Variants in FYB2 observed in about 807,000 individuals in gnomAD.
FYB2 encodes the protein FYN-binding protein 2.
In FYB2, 103 loss-of-function variants were observed where a neutral mutation model predicts 94.1. The ratio of observed to expected loss-of-function variants is 1.09; its 90% CI spans 0.93 to 1.29. The LOEUF is 1.29. Among genes scored for constraint, FYB2 ranks in the 50% most tolerant of loss-of-function variants. FYB2 has a pLI of 0.00. For synonymous variants in FYB2, 293 were observed against 287.9 expected (o/e 1.02, Z -0.18); for missense variants, 896 against 841.5 (o/e 1.06, Z -0.80).
chr1:56,808,414 A>G (rs2101064408), intron 1 of FYB2, among the ~76,000 whole-genome samples: 1 of 152,354 alleles, frequency 6.6e-6, no homozygotes, highest in East Asian at 1.9e-4. Context: ...GATGCTTGAC[A>G]GCCTTTCTGC....
At chr1:56,765,595 T>G (rs190590260) in intron 5 of FYB2, among the ~76,000 whole-genome samples, 140 of 152,328 alleles carry the variant, frequency 9.2e-4, no homozygotes, top group Middle Eastern at 3.4e-3. Flanking sequence ...TTTTCTGTCT[T>G]TCTAGGTTGC....
At chr1:56,781,174 T>C (rs1012068331) in intron 4 of FYB2, among the ~76,000 whole-genome samples, 1 of 152,226 alleles carries the variant, frequency 6.6e-6, no homozygotes, top group Non-Finnish European at 1.5e-5. Flanking sequence ...AAAGGCACAA[T>C]GACATGCTTT....
intron 4 of FYB2, among the ~76,000 whole-genome samples, chr1:56,770,343 T>C: frequency 6.6e-6 from 1 of 152,188 alleles, no homozygotes; most frequent in South Asian, 2.1e-4. Flanking sequence ...TCTTGCTCTC[T>C]ACCAAATAGT....
At chr1:56,741,206 TTTTC>T (rs1644944742) in intron 12 of FYB2, among the ~76,000 whole-genome samples, 1 of 152,058 alleles carries the variant, frequency 6.6e-6, no homozygotes, top group Non-Finnish European at 1.5e-5. Context: ...AGTTCTATGC[TTTTC>T]TTTGTTTAGA....
intron 5 of FYB2, among the ~76,000 whole-genome samples, chr1:56,766,228 T>C (rs1229933091): frequency 2.0e-5 from 3 of 152,160 alleles, no homozygotes; most frequent in Non-Finnish European, 2.9e-5. Context: ...ATGACTTGTA[T>C]GAACGCTAGA....
chr1:56,750,990 C>T (rs1645183659), intron 9 of FYB2, 54 bp downstream of exon 9: 1 of 1,564,098 alleles, frequency 6.4e-7, no homozygotes, highest in East Asian at 2.3e-5. Context: ...TGGCCATGCT[C>T]AGCTATAAAA....
intron 1 of FYB2, among the ~76,000 whole-genome samples, chr1:56,800,353 G>T (rs542392139): frequency 1.3e-5 from 2 of 152,062 alleles, no homozygotes; most frequent in African/African-American, 4.8e-5. Context: ...CTGTATTCTT[G>T]GTACCAATGA....
At chr1:56,812,508 C>T (rs1646789264) in intron 1 of FYB2, among the ~76,000 whole-genome samples, 1 of 152,152 alleles carries the variant, frequency 6.6e-6, no homozygotes, top group Admixed American at 6.5e-5. Context: ...TATTATGATA[C>T]AAAATTGCTT....
chr1:56,784,603 C>G (rs528411028), intron 4 of FYB2, among the ~76,000 whole-genome samples: 4 of 152,132 alleles, frequency 2.6e-5, no homozygotes, highest in African/African-American at 4.8e-5. Context: ...AGGATCCAAC[C>G]TCATCTCTTA....
chr1:56,795,430 T>G (rs1223580081), intron 1 of FYB2, among the ~76,000 whole-genome samples: 2 of 152,198 alleles, frequency 1.3e-5, no homozygotes, highest in Non-Finnish European at 2.9e-5. Flanking sequence ...GAATGATGCT[T>G]CTATAAACAT....
intron 15 of FYB2, among the ~76,000 whole-genome samples, chr1:56,735,184 A>G (rs1340737004): frequency 1.3e-5 from 2 of 152,134 alleles, no homozygotes; most frequent in Non-Finnish European, 2.9e-5. Context: ...ACTATATGCA[A>G]TAGCCAACAT....
chr1:56,793,176 G>A (rs1187737112), intron 1 of FYB2, among the ~76,000 whole-genome samples: 2 of 152,114 alleles, frequency 1.3e-5, no homozygotes, highest in African/African-American at 4.8e-5. Flanking sequence ...GCTTTATACA[G>A]AATTCAAGGT....
intron 2 of FYB2, among the ~76,000 whole-genome samples, chr1:56,790,459 G>A (rs532468137): frequency 4.6e-5 from 7 of 152,294 alleles, no homozygotes; most frequent in South Asian, 2.1e-4. Flanking sequence ...GTTTACATCC[G>A]TTATCTCACT....
At chr1:56,784,834 G>A (rs553523011) in intron 4 of FYB2, among the ~76,000 whole-genome samples, 1 of 152,078 alleles carries the variant, frequency 6.6e-6, no homozygotes, top group Non-Finnish European at 1.5e-5. Context: ...TTTATATCAG[G>A]GAACAATACC....
intron 5 of FYB2, among the ~76,000 whole-genome samples, chr1:56,766,286 G>C (rs2100802021): frequency 6.6e-6 from 1 of 152,266 alleles, no homozygotes; most frequent in East Asian, 1.9e-4. Context: ...CTCTGAGTAT[G>C]GGGCAGCACT....
At chr1:56,777,820 A>G (rs772898444) in intron 4 of FYB2, among the ~76,000 whole-genome samples, 1 of 152,062 alleles carries the variant, frequency 6.6e-6, no homozygotes, top group Non-Finnish European at 1.5e-5. Context: ...TTTTTCTCCT[A>G]AAATTCTGAT....
intron 7 of FYB2, 96 bp from the exon 8 acceptor site, chr1:56,754,031 G>A (rs1180649140): frequency 2.7e-6 from 2 of 742,058 alleles, no homozygotes; most frequent in Non-Finnish European, 4.6e-6. Context: ...GGGAAAAATA[G>A]ATTTGAACAA....
In FYB2 at chr1:56,723,570, C is replaced by T; in HGVS notation, c.1974+18G>A. On this transcript the variant is annotated intron_variant, in intron 17 of 19. Transcript: ENST00000343433. ...AGCTGTTAATATTGCTAATTTTTACCTTCAGAAGAGAACGTACCTTAAACC... is the reference window on the plus strand; with the variant it reads ...AGCTGTTAATATTGCTAATTTTTACTTTCAGAAGAGAACGTACCTTAAACC... The T allele has an allele frequency of 1.4e-6, 2 of 1,423,314 alleles. No homozygotes were observed. The highest frequency in any genetic ancestry group is 1.3e-5 in the South Asian group (1 of 77,466). The allele number at this position is 1,423,314 out of a possible 1,614,324, so 88.2% of individuals were successfully genotyped here.
In FYB2 at chr1:56,785,496, T is replaced by G. The variant is rs111883211; in HGVS notation, c.953+1679A>C. 8.7e-4 allele frequency among the ~76,000 whole-genome samples: 133 copies of G among 152,308 alleles called. 1 individual carries two copies. Among genetic ancestry groups the G allele is most frequent in the African/African-American group, 3.1e-3 (129 of 41,568 alleles). On this transcript the variant is annotated intron_variant, in intron 4 of 19. Transcript: ENST00000343433. ...TCCACTGACCTGTCTTGTGCTGTCATTTAACTCTTTCAAAGGGATGACTAA... is the reference window on the plus strand; with the variant it reads ...TCCACTGACCTGTCTTGTGCTGTCAGTTAACTCTTTCAAAGGGATGACTAA...
Sources: gnomAD v4.1 joint callset for allele counts (sites outside exome capture counted in the v4.1 genomes callset) on GRCh38, gnomAD v4.1.1 for gene constraint, MANE v1.5 for transcripts, NCBI Gene and HGNC (gene_info 2026-07-23, HGNC 2026-07-21) for gene names.